The following GPR39 variants were observed in gnomAD, a reference collection of about 807,000 sequenced individuals.
GPR39 encodes zinc sensing receptor.
Under a neutral mutation model 18.4 loss-of-function variants are expected in GPR39, and 23 were observed. The ratio of observed to expected loss-of-function variants is 1.25; its 90% CI spans 0.90 to 1.77. The LOEUF (loss-of-function observed/expected upper bound fraction) is 1.77. Among genes scored for constraint, GPR39 ranks in the 40% most tolerant of loss-of-function variants. GPR39 has a pLI of 0.00. For missense variants in GPR39, 647 were observed against 602.4 expected (o/e 1.07, Z -0.78); for synonymous variants, 280 against 257.9 (o/e 1.09, Z -0.82).
At chr2:132,445,704 T>G (rs1680522518) in intron 1 of GPR39, among the ~76,000 whole-genome samples, 1 of 152,214 alleles carries the variant, frequency 6.6e-6, no homozygotes, top group African/African-American at 2.4e-5. Flanking sequence ...TTCACTAATT[T>G]GTTCCCAGAG....
intron 1 of GPR39, among the ~76,000 whole-genome samples, chr2:132,519,129 A>T (rs1305090440): frequency 1.3e-5 from 2 of 152,190 alleles, no homozygotes; most frequent in African/African-American, 4.8e-5. Flanking sequence ...GAGTCTTGCA[A>T]GTCATTGGCA....
At chr2:132,583,827 G>C (rs989337760) in intron 1 of GPR39, among the ~76,000 whole-genome samples, 2 of 151,582 alleles carry the variant, frequency 1.3e-5, no homozygotes, top group Non-Finnish European at 2.9e-5. Flanking sequence ...TGCAGCCACA[G>C]CACAGCAATG....
intron 1 of GPR39, 132 bp downstream of exon 1, chr2:132,418,030 A>G: frequency 8.7e-7 from 1 of 1,156,038 alleles, no homozygotes; most frequent in Non-Finnish European, 1.2e-6. Flanking sequence ...AAGGTGGAAG[A>G]GTCTTGTAGC....
intron 1 of GPR39, among the ~76,000 whole-genome samples, chr2:132,542,726 T>G (rs534428296): frequency 2.0e-5 from 3 of 151,324 alleles, no homozygotes; most frequent in Non-Finnish European, 4.4e-5. Context: ...ACTAGAAACA[T>G]CAAGCTCCCA....
intron 1 of GPR39, among the ~76,000 whole-genome samples, chr2:132,500,377 A>G (rs1679002422): frequency 1.3e-5 from 2 of 152,198 alleles, no homozygotes; most frequent in African/African-American, 4.8e-5. Context: ...GTGGTGTATC[A>G]CACTTATTGA....
intron 1 of GPR39, among the ~76,000 whole-genome samples, chr2:132,522,472 T>C (rs1325419655): frequency 6.6e-6 from 1 of 152,222 alleles, no homozygotes; most frequent in Non-Finnish European, 1.5e-5. Context: ...TTCTCTGTGA[T>C]AGGCATTGTT....
chr2:132,635,276 T>C (rs1332620590), intron 1 of GPR39, among the ~76,000 whole-genome samples: 1 of 152,244 alleles, frequency 6.6e-6, no homozygotes, highest in East Asian at 1.9e-4. Flanking sequence ...GAGCAGCTAC[T>C]ATATAAACGT....
rs535968673 is a variant in GPR39 at position 132,537,327 on chromosome 2, G to C, written c.857-107774G>C. On this transcript the variant is annotated intron_variant, in intron 1 of 1. Transcript: ENST00000329321. ...GATTTTGTTTCTCCTTCACTTATGA[G>C]GCTTAGTTTGACTGGATATGAAATT... Among the ~76,000 whole-genome samples the C allele has an allele frequency of 2.6e-5, 4 of 152,146 alleles. No individual in the cohort carries two copies. The South Asian group carries it at 8.3e-4, about 32-fold the overall frequency.
intron 1 of GPR39, among the ~76,000 whole-genome samples, chr2:132,583,945 A>G (rs1161952648): frequency 6.6e-6 from 1 of 152,016 alleles, no homozygotes; most frequent in East Asian, 1.9e-4. Flanking sequence ...ACCTTGCCTC[A>G]CAGGTAGCTT....
chr2:132,526,057 A>G (rs1679502051), intron 1 of GPR39, among the ~76,000 whole-genome samples: 1 of 152,162 alleles, frequency 6.6e-6, no homozygotes, highest in Admixed American at 6.5e-5. Context: ...TGAAAATGGG[A>G]TATTTACTAT....
intron 1 of GPR39, among the ~76,000 whole-genome samples, chr2:132,626,350 G>C (rs1260713478): frequency 6.6e-6 from 1 of 152,276 alleles, no homozygotes; most frequent in East Asian, 1.9e-4. Context: ...CTGGAAGCTG[G>C]AGGACTTGGC....
chr2:132,537,428 G>A (rs1170195363), intron 1 of GPR39, among the ~76,000 whole-genome samples: 1 of 151,830 alleles, frequency 6.6e-6, no homozygotes, highest in Non-Finnish European at 1.5e-5. Context: ...GATTTCTGCT[G>A]AGAAATCCAC....
chr2:132,494,551 T>C (rs1681601875), intron 1 of GPR39, among the ~76,000 whole-genome samples: 1 of 152,162 alleles, frequency 6.6e-6, no homozygotes, highest in African/African-American at 2.4e-5. Context: ...TGATTAGGCC[T>C]TCCCTGAGCA....
intron 1 of GPR39, among the ~76,000 whole-genome samples, chr2:132,551,952 G>T (rs1421449426): frequency 2.0e-5 from 3 of 152,148 alleles, no homozygotes; most frequent in Non-Finnish European, 4.4e-5. Context: ...CACAGGACTT[G>T]GGGATGTATT....
At chr2:132,521,208 G>A (rs540767218) in intron 1 of GPR39, among the ~76,000 whole-genome samples, 1 of 152,304 alleles carries the variant, frequency 6.6e-6, no homozygotes, top group Admixed American at 6.5e-5. Context: ...GCCTCTGCTT[G>A]TGCCTCGGTC....
chr2:132,497,864 C>G (rs1031646767), intron 1 of GPR39, among the ~76,000 whole-genome samples: 3 of 152,114 alleles, frequency 2.0e-5, no homozygotes, highest in African/African-American at 7.2e-5. Context: ...TTCAAGGGCT[C>G]AGCAGTCTCC....
intron 1 of GPR39, among the ~76,000 whole-genome samples, chr2:132,452,450 T>A (rs1680646235): frequency 6.6e-6 from 1 of 152,024 alleles, no homozygotes; most frequent in Non-Finnish European, 1.5e-5. Context: ...CTTTTTTCAA[T>A]CACTGTTCTT....
At chr2:132,633,255 T>C (rs1258903696) in intron 1 of GPR39, among the ~76,000 whole-genome samples, 1 of 152,092 alleles carries the variant, frequency 6.6e-6, no homozygotes, top group Non-Finnish European at 1.5e-5. Flanking sequence ...TCCCTCTTGT[T>C]GTAATCCTAC....
intron 1 of GPR39, among the ~76,000 whole-genome samples, chr2:132,540,351 C>T (rs1454693586): frequency 6.6e-6 from 1 of 152,154 alleles, no homozygotes; most frequent in African/African-American, 2.4e-5. Context: ...GGAGAGGAGG[C>T]ACTCTGGGGA....
Sources: allele counts gnomAD v4.1 joint callset (sites outside exome capture counted in the v4.1 genomes callset), GRCh38; gene constraint gnomAD v4.1.1; transcripts MANE v1.5; gene names NCBI Gene and HGNC (gene_info 2026-07-23, HGNC 2026-07-21).